The following USP54 variants were observed in gnomAD, a reference collection of about 807,000 sequenced individuals.
The protein encoded by USP54 is ubiquitin specific peptidase 54.
Under a neutral mutation model 170.5 loss-of-function variants are expected in USP54, and 87 were observed. The observed-to-expected ratio is 0.51, with a 90% CI of 0.43 to 0.61. The LOEUF (loss-of-function observed/expected upper bound fraction) is 0.61. USP54 is among the 20% of genes least tolerant of loss of function. The probability of loss-of-function intolerance (pLI) is 0.00; values close to 1 mark genes in which losing one functional copy is unlikely to be tolerated. For synonymous variants in USP54, 655 were observed against 742.8 expected, an observed-to-expected ratio of 0.88 and a Z score of 1.92; for missense variants, 1,786 against 2,047.8, an observed-to-expected ratio of 0.87 and a Z score of 2.47.
intron 1 of USP54, among the ~76,000 whole-genome samples, chr10:73,622,877 A>G (rs1385078634): frequency 5.3e-5 from 8 of 151,574 alleles, no homozygotes; most frequent in Non-Finnish European, 1.2e-4. Context: ...CAGGAGACTG[A>G]GGCTGCAGTG....
At chr10:73,552,317 A>C (rs1590303839) in intron 4 of USP54, among the ~76,000 whole-genome samples, 1 of 151,676 alleles carries the variant, frequency 6.6e-6, no homozygotes, top group Admixed American at 6.6e-5. Flanking sequence ...GGAGGCTGAC[A>C]CAGGAGAATT....
rs758342922 is a variant in USP54, at chr10:73,498,689, T to C, written c.4995A>G (p.Leu1665=). 21 of 1,604,348 alleles carry C rather than the reference T, an allele frequency of 1.3e-5. No homozygotes were observed. Among genetic ancestry groups the C allele is most frequent in the Admixed American group, 6.8e-5 (4 of 58,930 alleles). The change falls in exon 24 of 24, where the codon CTA becomes CTG. Residue 1665 remains leucine (L), a synonymous_variant. Coordinates refer to ENST00000687698, the MANE Select transcript of USP54 (RefSeq NM_001391956.1). ...RTVGEGFLFV[L]SDAPRREQIR... ...TCTGCTCTCTTCTGGGAGCATCTGA[T>C]AGAACAAACAGAAACCCCTCTCCCA...
At chr10:73,547,078 C>A (rs1314045217) in intron 4 of USP54, among the ~76,000 whole-genome samples, 1 of 152,134 alleles carries the variant, frequency 6.6e-6, no homozygotes, top group Non-Finnish European at 1.5e-5. Flanking sequence ...TTAAATGTAT[C>A]TTTTCCATCT....
chr10:73,570,958 C>T lies in USP54; in HGVS notation c.240+463G>A, dbSNP rs544539370. 3.3e-5 allele frequency among the ~76,000 whole-genome samples: 5 copies of T among 151,746 alleles called. No individual in the cohort carries two copies. In the East Asian group the frequency reaches 5.8e-4, roughly 18 times the overall value. ...TTTGAGACCAGCCTGGCCAACATGG[C>T]GAAACCCCGTCTCTACTAAAAATAC... On this transcript the variant is annotated intron_variant, in intron 4 of 23. Coordinates refer to ENST00000687698, the MANE Select transcript of USP54 (RefSeq NM_001391956.1).
At chr10:73,520,546 T>C (rs891315143) in intron 18 of USP54, among the ~76,000 whole-genome samples, 5 of 152,224 alleles carry the variant, frequency 3.3e-5, no homozygotes, top group Admixed American at 6.5e-5. Flanking sequence ...TGGGAAGTCA[T>C]AGCCAATTTA....
chr10:73,573,130 A>T lies in USP54; in HGVS notation c.148-1617T>A, dbSNP rs78197010. Reference sequence around the variant, plus strand: ...TGAGACCCTCTCTCCACAAACAATTAAAAAAAAAAATTAGCTGCGTGTGGT... The same window carrying T: ...TGAGACCCTCTCTCCACAAACAATTTAAAAAAAAAATTAGCTGCGTGTGGT... On this transcript the variant is annotated intron_variant, in intron 3 of 23. Coordinates refer to ENST00000687698, the MANE Select transcript of USP54 (RefSeq NM_001391956.1). Among the ~76,000 whole-genome samples the T allele has an allele frequency of 6.1e-5, 9 of 148,526 alleles. No individual in the cohort carries two copies. In the East Asian group the frequency reaches 7.8e-4, roughly 13 times the overall value.
At chr10:73,528,750 C>T (rs1269007395) in intron 15 of USP54, among the ~76,000 whole-genome samples, 2 of 152,084 alleles carry the variant, frequency 1.3e-5, no homozygotes, top group Non-Finnish European at 2.9e-5. Context: ...TTGTGCTAGC[C>T]TGGGATTACA....
intron 4 of USP54, among the ~76,000 whole-genome samples, chr10:73,556,429 C>G (rs774849344): frequency 6.6e-6 from 1 of 151,486 alleles, no homozygotes; most frequent in Non-Finnish European, 1.5e-5. Context: ...TCACTGCAAC[C>G]TCCACCTCCC....
At chr10:73,514,489 G>C (rs2060736290) in intron 20 of USP54, among the ~76,000 whole-genome samples, 1 of 151,854 alleles carries the variant, frequency 6.6e-6, no homozygotes, top group African/African-American at 2.4e-5. Flanking sequence ...CCTGAACCCA[G>C]GAGGCAGAGG....
At chr10:73,535,369 T>C (rs1213905300) in intron 11 of USP54, among the ~76,000 whole-genome samples, 1 of 151,696 alleles carries the variant, frequency 6.6e-6, no homozygotes, top group Non-Finnish European at 1.5e-5. Flanking sequence ...CAGGTCTGGG[T>C]GGGGTATGAA....
intron 4 of USP54, among the ~76,000 whole-genome samples, chr10:73,561,693 AAATG>A (rs1218861827): frequency 1.3e-5 from 2 of 152,198 alleles, no homozygotes; most frequent in Admixed American, 1.3e-4. Flanking sequence ...TTAAGTTTTA[AAATG>A]TTTGTAATCA....
intron 9 of USP54, among the ~76,000 whole-genome samples, chr10:73,540,813 A>T (rs1047091095): frequency 9.2e-5 from 14 of 152,164 alleles, no homozygotes; most frequent in African/African-American, 3.1e-4. Context: ...GAAAACCTAA[A>T]ATAAGATCCC....
chr10:73,606,179 A>G (rs2079613199), intron 1 of USP54, among the ~76,000 whole-genome samples: 1 of 145,480 alleles, frequency 6.9e-6, no homozygotes, highest in African/African-American at 2.6e-5. Flanking sequence ...CTGTCTCAAA[A>G]AAAAAAAAAA....
chr10:73,612,218 AATTTTATTGAGCTAGCTTCTCCCCAATTT>A (rs568505795), intron 1 of USP54, among the ~76,000 whole-genome samples: 135 of 152,340 alleles, frequency 8.9e-4, no homozygotes, highest in African/African-American at 3.1e-3. Flanking sequence ...TAATCTGATC[AATTTTATTGAGCTAGCTTCTCCCCAATTT>A]TAAATGCAAC....
rs1421472866 is a variant in USP54 at position 73,602,730 on chromosome 10, C to T, written c.-18+22837G>A. 4.0e-5 allele frequency among the ~76,000 whole-genome samples: 6 copies of T among 150,834 alleles called. No individual in the cohort carries two copies. In the South Asian group the frequency reaches 1.3e-3, roughly 32 times the overall value. ...AATTAGCCAGGCGTGGTGGTGTGCGCCTGTAGTCCCAGCTACTTGGGAGAC... is the reference window on the plus strand; with the variant it reads ...AATTAGCCAGGCGTGGTGGTGTGCGTCTGTAGTCCCAGCTACTTGGGAGAC... On this transcript the variant is annotated intron_variant, in intron 1 of 22. Coordinates refer to the USP54 transcript ENST00000339859.
chr10:73,519,491 C>A (rs1022418968), intron 19 of USP54: 1 of 339,104 alleles, frequency 2.9e-6, no homozygotes, highest in African/African-American at 2.1e-5. Context: ...ATTGCCATGT[C>A]TAAGAACATA....
At chr10:73,547,872 T>C (rs1385734028) in intron 4 of USP54, among the ~76,000 whole-genome samples, 3 of 152,050 alleles carry the variant, frequency 2.0e-5, no homozygotes, top group African/African-American at 7.2e-5. Context: ...AAAGCCAAAA[T>C]ACACAAATGG....
Position 73,517,066 on chromosome 10 carries a change from T to G in USP54, c.3360A>C (p.Pro1120=). The change falls in exon 20 of 24, where the codon CCA becomes CCC. Residue 1120 remains proline (P), a synonymous_variant. Coordinates refer to ENST00000687698, the MANE Select transcript of USP54 (RefSeq NM_001391956.1). ...CAAGCCCCTTTGTGCTGGGAAACTC[T>G]GGCCTATAGGTCTCCTCACTGCCTC... ...VDRGSEETYR[P]EFPSTKGLVR... The G allele has an allele frequency of 6.2e-7, 1 of 1,614,216 alleles. No homozygotes were observed. The highest frequency in any genetic ancestry group is 2.2e-5 in the East Asian group (1 of 44,888).
At chr10:73,545,730 C>T in intron 4 of USP54, 58 bp from the exon 5 acceptor site, 2 of 1,581,488 alleles carry the variant, frequency 1.3e-6, no homozygotes, top group Non-Finnish European at 1.7e-6. Flanking sequence ...AACTTCTATA[C>T]ATCCTAGTCT....
Sources: allele counts gnomAD v4.1 joint callset (sites outside exome capture counted in the v4.1 genomes callset), GRCh38; gene constraint gnomAD v4.1.1; transcripts MANE v1.5; gene names NCBI Gene and HGNC (gene_info 2026-07-23, HGNC 2026-07-21).